Variants in GPHN observed in about 807,000 individuals in gnomAD.
GPHN encodes the protein gephyrin.
GPHN carries 17 observed loss-of-function variants against 95.5 expected under a neutral mutation model. The observed-to-expected ratio is 0.18, with a 90% CI of 0.12 to 0.27. The LOEUF is 0.27. GPHN is among the 10% of genes least tolerant of loss of function. The pLI, the probability that GPHN is intolerant of heterozygous loss-of-function variation, is 1.00. For synonymous variants in GPHN, 320 were observed against 322.5 expected (o/e 0.99, Z 0.08); for missense variants, 660 against 978.1 (o/e 0.67, Z 4.34).
At chr14:67,569,947 C>T in the GPHN span, 1 of 1,610,176 alleles carries the variant, frequency 6.2e-7, no homozygotes, top group East Asian at 2.2e-5. Flanking sequence ...CCTTGTTTCC[C>T]CTGGGTCTTT....
At chr14:67,468,387 C>T in the GPHN span, among the ~76,000 whole-genome samples, 1 of 152,214 alleles carries the variant, frequency 6.6e-6, no homozygotes, top group East Asian at 1.9e-4. Flanking sequence ...AACATTGCAG[C>T]CTTCTGAGAC....
chr14:66,660,146 T>A (rs1236717411), intron 1 of GPHN, among the ~76,000 whole-genome samples: 1 of 152,100 alleles, frequency 6.6e-6, no homozygotes, highest in East Asian at 1.9e-4. Flanking sequence ...TATCAATTCA[T>A]GTGAAGTGTA....
At chr14:66,797,752 T>C (rs2060209745) in intron 3 of GPHN, among the ~76,000 whole-genome samples, 1 of 151,918 alleles carries the variant, frequency 6.6e-6, no homozygotes, top group Admixed American at 6.6e-5. Flanking sequence ...CCACATATAA[T>C]GTCATATCAT....
At chr14:67,359,469 C>G in the GPHN span, among the ~76,000 whole-genome samples, 5 of 152,040 alleles carry the variant, frequency 3.3e-5, 1 homozygote, top group Admixed American at 3.3e-4. Context: ...CTTCGTCCAG[C>G]CTGATTCACT....
chr14:67,563,591 G>A, the GPHN span, among the ~76,000 whole-genome samples: 4 of 151,770 alleles, frequency 2.6e-5, no homozygotes, highest in African/African-American at 7.3e-5. Context: ...GCACCACCAC[G>A]CCCAGCTAAT....
intron 1 of GPHN, among the ~76,000 whole-genome samples, chr14:66,544,424 G>A (rs1268548867): frequency 6.6e-6 from 1 of 151,862 alleles, no homozygotes; most frequent in Non-Finnish European, 1.5e-5. Flanking sequence ...CTTTCTCCTC[G>A]TTTGAATAAG....
chr14:67,057,099 G>C (rs1200747713), intron 10 of GPHN, among the ~76,000 whole-genome samples: 1 of 152,124 alleles, frequency 6.6e-6, no homozygotes, highest in Non-Finnish European at 1.5e-5. Flanking sequence ...AGCCGGCTCT[G>C]GCCTCGGCCA....
chr14:66,950,634 T>A (rs890816573), intron 8 of GPHN, among the ~76,000 whole-genome samples: 2 of 152,172 alleles, frequency 1.3e-5, no homozygotes, highest in Non-Finnish European at 2.9e-5. Flanking sequence ...CCCTAGTTGT[T>A]GAGTATGTTG....
At chr14:66,736,070 A>G (rs2153436590) in intron 2 of GPHN, among the ~76,000 whole-genome samples, 1 of 152,324 alleles carries the variant, frequency 6.6e-6, no homozygotes, top group African/African-American at 2.4e-5. Context: ...TCAACTTAAG[A>G]AAGTTAGTTG....
chr14:67,289,118 C>T, the GPHN span, among the ~76,000 whole-genome samples: 1 of 145,018 alleles, frequency 6.9e-6, no homozygotes, highest in Non-Finnish European at 1.5e-5. Flanking sequence ...AGGAGCACAC[C>T]GCCATAACTG....
chr14:66,965,252 G>A lies in GPHN; in HGVS notation c.890G>A (p.Ser297Asn), dbSNP rs1160520262. ...CTCCCACGAGACACAGCCTCCCTCA[G>A]CACTACTCCTTCAGAATCGCCTCGT... is the stretch of plus-strand genomic sequence containing the variant. ...QVLPRDTASL[S>N]TTPSESPRAQ... Residue 297 changes from serine to asparagine, a missense_variant, in exon 9 of 23, where the codon AGC becomes AAC. Around this residue, in one of 6 missense-constraint regions of GPHN, gnomAD observed 190 missense variants for 224.7 expected, o/e 0.85. Transcript: ENST00000478722. The A allele has an allele frequency of 6.2e-7, 1 of 1,612,246 alleles. No individual in the cohort carries two copies. Among genetic ancestry groups the A allele is most frequent in the South Asian group, 1.1e-5 (1 of 91,056 alleles).
chr14:67,642,083 A>G, the GPHN span: 1 of 1,128,834 alleles, frequency 8.9e-7, no homozygotes. Context: ...TGACAAAATG[A>G]TTATGATGTG....
chr14:66,539,896 G>C (rs868627419), intron 1 of GPHN, among the ~76,000 whole-genome samples: 1 of 152,156 alleles, frequency 6.6e-6, no homozygotes, highest in African/African-American at 2.4e-5. Context: ...TCTTTCATAA[G>C]CACTCTGGTG....
At chr14:67,645,360 G>A in the GPHN span, among the ~76,000 whole-genome samples, 2 of 152,100 alleles carry the variant, frequency 1.3e-5, no homozygotes, top group African/African-American at 4.8e-5. Flanking sequence ...TCTTTTCTGA[G>A]CAGGGCTAAT....
the GPHN span, chr14:67,652,551 C>G: frequency 6.5e-6 from 1 of 152,760 alleles, no homozygotes; most frequent in Non-Finnish European, 1.5e-5. Flanking sequence ...TTTCAAAATG[C>G]CTGCATGAAG....
the GPHN span, chr14:67,729,394 A>G: frequency 2.0e-5 from 32 of 1,596,558 alleles, no homozygotes; most frequent in Non-Finnish European, 2.5e-5. Context: ...TGTGAAGGCA[A>G]TGCGGTTCTC....
At chr14:66,654,505 C>CT (rs1221290535) in intron 1 of GPHN, among the ~76,000 whole-genome samples, 3 of 152,040 alleles carry the variant, frequency 2.0e-5, no homozygotes, top group African/African-American at 4.8e-5. Flanking sequence ...TCATTTTCTG[C>CT]TTTTTTTGTT....
chr14:66,864,717 G>A (rs2063162390), intron 4 of GPHN, among the ~76,000 whole-genome samples: 1 of 152,128 alleles, frequency 6.6e-6, no homozygotes, highest in East Asian at 1.9e-4. Flanking sequence ...AGATTGCAGT[G>A]AGCCGAGACT....
intron 1 of GPHN, among the ~76,000 whole-genome samples, chr14:66,582,752 T>C (rs185454318): frequency 4.6e-5 from 7 of 152,302 alleles, no homozygotes; most frequent in Admixed American, 3.3e-4. Context: ...CCATGGTGTA[T>C]ATGTGCCACA....
Sources: gnomAD v4.1 joint callset for allele counts (sites outside exome capture counted in the v4.1 genomes callset) on GRCh38, gnomAD v4.1.1 for gene constraint, gnomAD v4.1.1 regional missense constraint, MANE v1.5 for transcripts, NCBI Gene and HGNC (gene_info 2026-07-23, HGNC 2026-07-21) for gene names.